The following WDR19 variants were observed in gnomAD, a reference collection of about 807,000 sequenced individuals.
The protein encoded by WDR19 is WD repeat-containing protein 19.
WDR19 carries 121 observed loss-of-function variants against 180.0 expected under a neutral mutation model. That is an observed-to-expected ratio of 0.67 (90% CI 0.58 to 0.78). WDR19 has a LOEUF of 0.78. Ranked by LOEUF, WDR19 falls within the 30% of genes least tolerant of loss-of-function variation. The pLI, the probability that WDR19 is intolerant of heterozygous loss-of-function variation, is 0.00. For missense variants in WDR19, 1,450 were observed against 1,640.7 expected (o/e 0.88, Z 2.01); for synonymous variants, 497 against 540.7 (o/e 0.92, Z 1.12).
Position 39,253,260 on chromosome 4 carries a change from CCAGTCTCTGGATGGAGCCAAAA to C in WDR19, c.2845_2866del (p.Gln949TrpfsTer2). On this transcript the variant is annotated frameshift_variant, in exon 25 of 37. Transcript: ENST00000399820. LOFTEE classifies it high-confidence loss of function. ...AAGCTGTCAATATTGTTAGAGAGAC[CCAGTCTCTGGATGGAGCCAAAA>C]TGGTAGCCAGGTAACATAATACATT... 6.2e-7 allele frequency: 1 copy of C among 1,612,956 alleles called. No individual in the cohort carries two copies. Among genetic ancestry groups the C allele is most frequent in the Non-Finnish European group, 8.5e-7 (1 of 1,179,538 alleles).
intron 3 of WDR19, among the ~76,000 whole-genome samples, chr4:39,187,280 C>T (rs1361879290): frequency 1.3e-5 from 2 of 151,998 alleles, no homozygotes; most frequent in East Asian, 1.9e-4. Context: ...AGTAGCTGGG[C>T]GTGGTGGCAT....
intron 31 of WDR19, among the ~76,000 whole-genome samples, chr4:39,272,468 C>T (rs1735463463): frequency 6.6e-6 from 1 of 152,202 alleles, no homozygotes; most frequent in Non-Finnish European, 1.5e-5. Flanking sequence ...ACTGCAGTGG[C>T]TTCATGTCCT....
At chr4:39,220,543 A>G (rs1198816903) in intron 14 of WDR19, among the ~76,000 whole-genome samples, 1 of 93,304 alleles carries the variant, frequency 1.1e-5, no homozygotes, top group Non-Finnish European at 2.4e-5. Context: ...TTTTTTTTTT[A>G]GAAACAGACC....
chr4:39,213,333 C>G (rs1351368753), intron 9 of WDR19, among the ~76,000 whole-genome samples: 2 of 152,130 alleles, frequency 1.3e-5, no homozygotes, highest in Non-Finnish European at 2.9e-5. Flanking sequence ...TGGAAACAAT[C>G]CAGATGTCCT....
chr4:39,184,397 G>A (rs1390133919), intron 1 of WDR19, among the ~76,000 whole-genome samples: 1 of 151,804 alleles, frequency 6.6e-6, no homozygotes, highest in Non-Finnish European at 1.5e-5. Context: ...GGGCGACAGA[G>A]CAAGACGCTG....
At chr4:39,189,164 TC>T (rs1725890551) in intron 3 of WDR19, among the ~76,000 whole-genome samples, 2 of 152,168 alleles carry the variant, frequency 1.3e-5, no homozygotes, top group Admixed American at 6.5e-5. Context: ...CCTCAGGTGA[TC>T]CGCTTGCCTC....
intron 20 of WDR19, chr4:39,237,698 C>T (rs1731517244): frequency 6.6e-6 from 1 of 152,144 alleles, no homozygotes; most frequent in African/African-American, 2.4e-5. Flanking sequence ...ATTTCTGTTC[C>T]TTATAAATGC....
At chr4:39,195,366 CA>C (rs10710164) in intron 5 of WDR19, among the ~76,000 whole-genome samples, 116,813 of 135,162 alleles carry the variant, frequency 0.86, 50,080 homozygotes, top group Admixed American at 0.9. Context: ...GACTTCATCT[CA>C]AAAAAAAAAA....
At chr4:39,220,559 G>GCTTTT (rs1491452795) in intron 14 of WDR19, among the ~76,000 whole-genome samples, 2 of 39,800 alleles carry the variant, frequency 5.0e-5, no homozygotes, top group Non-Finnish European at 9.8e-5. Context: ...AGACCTCCTT[G>GCTTTT]ATTTTTTTTT....
At chr4:39,240,381 T>A in intron 21 of WDR19, 47 bp downstream of exon 21, 1 of 1,185,454 alleles carries the variant, frequency 8.4e-7, no homozygotes, top group Non-Finnish European at 1.1e-6. Flanking sequence ...TCTGGGTTTG[T>A]TTTCAGTTTC....
intron 1 of WDR19, among the ~76,000 whole-genome samples, chr4:39,183,788 A>C (rs1725228758): frequency 6.6e-6 from 1 of 152,210 alleles, no homozygotes; most frequent in African/African-American, 2.4e-5. Flanking sequence ...TACAAACAAA[A>C]TTTAAGTCTT....
intron 6 of WDR19, 62 bp downstream of exon 6, chr4:39,199,655 G>A (rs998203333): frequency 7.3e-7 from 1 of 1,364,078 alleles, no homozygotes. Context: ...TAAATAGTTT[G>A]TCTGTCAAAC....
chr4:39,203,616 T>C, intron 6 of WDR19, 26 bp from the exon 7 acceptor site: 1 of 1,579,848 alleles, frequency 6.3e-7, no homozygotes, highest in Non-Finnish European at 8.7e-7. Flanking sequence ...GGTTTGTTCA[T>C]AGTGATGATG....
intron 36 of WDR19, among the ~76,000 whole-genome samples, chr4:39,282,812 T>G (rs1259290644): frequency 6.6e-6 from 1 of 152,366 alleles, no homozygotes; most frequent in Non-Finnish European, 1.5e-5. Context: ...TCTAATTGAT[T>G]ACGTAGGAAA....
intron 6 of WDR19, among the ~76,000 whole-genome samples, chr4:39,201,309 A>G (rs550668781): frequency 3.0e-4 from 46 of 152,322 alleles, no homozygotes; most frequent in African/African-American, 9.6e-4. Context: ...AAATTTGTAA[A>G]GGACTTGATC....
intron 9 of WDR19, among the ~76,000 whole-genome samples, chr4:39,211,497 G>T (rs1728498253): frequency 6.6e-6 from 1 of 152,078 alleles, no homozygotes; most frequent in African/African-American, 2.4e-5. Flanking sequence ...ACTAATAAAT[G>T]AGTTTTAGTT....
intron 28 of WDR19, among the ~76,000 whole-genome samples, chr4:39,262,909 T>C (rs1734428371): frequency 1.3e-5 from 2 of 152,156 alleles, no homozygotes; most frequent in African/African-American, 4.8e-5. Context: ...TCCATTTCTT[T>C]CTTTCTTGGG....
intron 2 of WDR19, among the ~76,000 whole-genome samples, chr4:39,186,149 T>C (rs1173816625): frequency 6.6e-6 from 1 of 152,142 alleles, no homozygotes; most frequent in Non-Finnish European, 1.5e-5. Context: ...AACACTGAAA[T>C]CATTTGGATG....
chr4:39,205,823 G>A (rs1727893187), intron 9 of WDR19, 87 bp downstream of exon 9: 1 of 1,225,914 alleles, frequency 8.2e-7, no homozygotes, highest in Non-Finnish European at 1.1e-6. Flanking sequence ...ATATGAATCT[G>A]GCAATCATGT....
Sources: allele counts gnomAD v4.1 joint callset (sites outside exome capture counted in the v4.1 genomes callset), GRCh38; gene constraint gnomAD v4.1.1; transcripts MANE v1.5; gene names NCBI Gene and HGNC (gene_info 2026-07-23, HGNC 2026-07-21).